The following ACTN3 variants were observed in gnomAD, a reference collection of about 807,000 sequenced individuals.
ACTN3 encodes alpha-actinin-3.
A neutral mutation model predicts 119.6 loss-of-function variants in ACTN3; 91 were observed. The observed-to-expected ratio is 0.76, with a 90% confidence interval of 0.64 to 0.91. The LOEUF is 0.91. ACTN3 is among the 40% of genes least tolerant of loss of function. The pLI, the probability that ACTN3 is intolerant of heterozygous loss-of-function variation, is 0.00. For synonymous variants in ACTN3, 456 were observed against 478.8 expected, an observed-to-expected ratio of 0.95 and a Z score of 0.62; for missense variants, 1,221 against 1,215.1, an observed-to-expected ratio of 1.00 and a Z score of -0.07.
rs768957946 is a variant in ACTN3 at position 66,560,651 on chromosome 11, C to A, written c.1756C>A (p.Gln586Lys). 1 of 1,613,916 alleles carries A rather than the reference C, an allele frequency of 6.2e-7. No individual in the cohort carries two copies. Among genetic ancestry groups the A allele is most frequent in the Non-Finnish European group, 8.5e-7 (1 of 1,179,886 alleles). ...AGAGCGAGGTGCCATCATGGGCATC[C>A]AGGGTGAGATCCAGAAGATCTGCCA... ...DRERGAIMGI[Q>K]GEIQKICQTY... The change falls in exon 15 of 21, where the codon CAG becomes AAG. Residue 586 changes from glutamine (Q) to lysine (K), a missense_variant. Around this residue, in one of 3 missense-constraint regions of ACTN3, gnomAD observed 934 missense variants for 899.9 expected, o/e 1.04. Coordinates refer to ENST00000513398, the MANE Select transcript of ACTN3 (RefSeq NM_001104.4).
chr11:66,556,370 C>A, intron 8 of ACTN3, 140 bp downstream of exon 8: 1 of 751,438 alleles, frequency 1.3e-6, no homozygotes, highest in Non-Finnish European at 2.2e-6. Context: ...TCAGCAGGAG[C>A]AGAGGACCCT....
intron 12 of ACTN3, among the ~76,000 whole-genome samples, chr11:66,559,747 A>C (rs1336929050): frequency 5.0e-5 from 2 of 39,886 alleles, no homozygotes; most frequent in South Asian, 7.2e-4. Context: ...CCCTCCACCC[A>C]AGCACCTCCA....
In ACTN3 at chr11:66,555,496, A is replaced by G. The variant is rs769615995; in HGVS notation, c.718+129A>G. 7 of 885,144 alleles carry G rather than the reference A, an allele frequency of 7.9e-6. No homozygotes were observed. The African/African-American group carries it at 1.2e-4, about 15-fold the overall frequency. The allele number at this position is 885,144 out of a possible 1,614,324, so 54.8% of individuals were successfully genotyped here. On this transcript the variant is annotated intron_variant, in intron 7 of 20. Coordinates refer to ENST00000513398, the MANE Select transcript of ACTN3 (RefSeq NM_001104.4). ...ACCACCCCCACCCCACTCCCTGGTC[A>G]CAGTCCCCCTTCTCCAGGAGTCCTC...
chr11:66,549,434 T>C (rs1857428002), intron 1 of ACTN3, among the ~76,000 whole-genome samples: 1 of 152,114 alleles, frequency 6.6e-6, no homozygotes, highest in African/African-American at 2.4e-5. Flanking sequence ...CCACATCTCA[T>C]TAAGAGTCTT....
chr11:66,560,413 A>T, intron 14 of ACTN3, 102 bp downstream of exon 14: 1 of 1,498,022 alleles, frequency 6.7e-7, no homozygotes. Context: ...GATGGGAGGA[A>T]AACCCCAGTT....
intron 12 of ACTN3, 85 bp from the exon 13 acceptor site, chr11:66,559,883 C>T (rs1180559505): frequency 1.5e-6 from 2 of 1,359,524 alleles, no homozygotes; most frequent in Non-Finnish European, 2.0e-6. Flanking sequence ...CACCCCCATC[C>T]GGGGAGCAGG....
chr11:66,555,432 C>A, intron 7 of ACTN3, 65 bp downstream of exon 7: 2 of 1,525,568 alleles, frequency 1.3e-6, no homozygotes, highest in Non-Finnish European at 1.8e-6. Context: ...ACAACCTCCA[C>A]ACCTTTGCAC....
In ACTN3 at chr11:66,554,558, G is replaced by T; in HGVS notation, c.492G>T (p.Leu164Phe). 1 of 1,611,330 alleles carries T rather than the reference G, an allele frequency of 6.2e-7. No homozygotes were observed. Among genetic ancestry groups the T allele is most frequent in the African/African-American group, 1.3e-5 (1 of 74,910 alleles). The part of the protein sequence containing the change: ...SVEETSAKEG[L>F]LLWCQRKTAP... ...CAGAAACCTCAGCCAAGGAAGGCTT[G>T]CTTCTGTGGTGCCAGAGGAAGACAG... Residue 164 changes from leucine to phenylalanine, a missense_variant, in exon 5 of 21, where the codon TTG becomes TTT. By Grantham distance (22) the Leu-to-Phe change is conservative. Around this residue, in one of 3 missense-constraint regions of ACTN3, gnomAD observed 239 missense variants for 231.8 expected, o/e 1.03. Transcript: ENST00000513398.
In ACTN3 at chr11:66,546,912, G is replaced by T. The variant is rs370058043; in HGVS notation, c.-26G>T. ...CCGGGTGTCCGAGAGCGTGCCGAGC[G>T]GAGCGAAGCCAGGAGCCCGATCGAG... On this transcript the variant is annotated 5_prime_UTR_variant, in exon 1 of 21. Coordinates refer to ENST00000513398, the MANE Select transcript of ACTN3 (RefSeq NM_001104.4). 314 of 1,530,624 alleles carry T rather than the reference G, an allele frequency of 2.1e-4. No individual in the cohort carries two copies. Among genetic ancestry groups the T allele is most frequent in the Non-Finnish European group, 2.6e-4 (302 of 1,142,380 alleles). 94.8% of individuals were successfully genotyped at this position (1,530,624 alleles called of 1,614,324 possible).
At chr11:66,560,995 G>C (rs943317153) in intron 15 of ACTN3, among the ~76,000 whole-genome samples, 1 of 147,096 alleles carries the variant, frequency 6.8e-6, no homozygotes, top group Non-Finnish European at 1.5e-5. Context: ...CTTGTGTGTG[G>C]ACATCTTTTA....
intron 19 of ACTN3, 124 bp from the exon 20 acceptor site, chr11:66,562,672 G>A (rs1857809836): frequency 1.8e-6 from 2 of 1,122,422 alleles, no homozygotes; most frequent in Non-Finnish European, 2.6e-6. Flanking sequence ...GGTCTCTGGA[G>A]GAAGGGAACT....
Position 66,557,128 on chromosome 11 carries a change from C to G in ACTN3, c.805-5C>G, listed in dbSNP as rs372842284. The G allele has an allele frequency of 5.9e-5, 91 of 1,552,014 alleles. No homozygotes were observed. The highest frequency in any genetic ancestry group is 5.0e-4 in the Middle Eastern group (3 of 5,966). The stretch of plus-strand genomic sequence containing the variant: ...ATGCCAGCCTTCTGCCCACTCCCCC[C>G]ACAGGCAGAGACAGCTGCCAACAGG... On this transcript the variant is annotated splice_polypyrimidine_tract_variant and splice_region_variant and intron_variant, in intron 8 of 20. Coordinates refer to ENST00000513398, the MANE Select transcript of ACTN3 (RefSeq NM_001104.4).
At position 66,561,474 on chromosome 11, in the gene ACTN3, C is replaced by A. The variant is rs1369108651; in HGVS notation, c.2012C>A (p.Ala671Glu). 3 of 1,600,666 alleles carry A rather than the reference C, an allele frequency of 1.9e-6. No individual in the cohort carries two copies. In the South Asian group the frequency reaches 3.4e-5, roughly 18 times the overall value. Residue 671 changes from alanine to glutamate, a missense_variant, in exon 17 of 21, where the codon GCA becomes GAA. By Grantham distance (107) the Ala-to-Glu change is moderately radical. Coordinates refer to ENST00000513398, the MANE Select transcript of ACTN3 (RefSeq NM_001104.4). ...QAKVEEVGRL[A>E]AGLAGSLEEQ... ...CCCCTGCAGGAAGTGGGGCGGCTGG[C>A]AGCAGGGCTAGCTGGCTCTCTGGAG...
In ACTN3 at chr11:66,561,499, G is replaced by A. The variant is rs539221911; in HGVS notation, c.2037G>A (p.Glu679=). ...RLAAGLAGSL[E]EQMAGLRQQE... ...CAGCAGGGCTAGCTGGCTCTCTGGA[G>A]GAGCAGATGGCTGGGCTACGGCAGC... The change falls in exon 17 of 21, where the codon GAG becomes GAA. Residue 679 remains glutamate (E), a synonymous_variant. Transcript: ENST00000513398. 108 of 1,604,698 alleles carry A rather than the reference G, an allele frequency of 6.7e-5. No homozygotes were observed. In the South Asian group the frequency reaches 1.1e-3, roughly 16 times the overall value.
chr11:66,550,949 C>A, intron 1 of ACTN3: 1 of 529,178 alleles, frequency 1.9e-6, no homozygotes, highest in South Asian at 1.6e-5. Flanking sequence ...TTTCTAAGGG[C>A]CCTCCAGTGT....
At chr11:66,546,741 G>A (rs1382232279), upstream of ACTN3, 3 of 1,535,474 alleles carry the variant, frequency 2.0e-6, no homozygotes, top group South Asian at 2.4e-5. Context: ...CCACCCCGGC[G>A]CCCCCGAGTC....
intron 11 of ACTN3, 55 bp downstream of exon 11, chr11:66,558,229 G>A (rs949818773): frequency 1.3e-6 from 2 of 1,597,790 alleles, no homozygotes; most frequent in Non-Finnish European, 1.7e-6. Flanking sequence ...AGATTGGTGT[G>A]CAGGGGCAGG....
rs763878511 is a variant in ACTN3 at position 66,563,107 on chromosome 11, G to C, written c.2620G>C (p.Val874Leu). Residue 874 changes from valine (V) to leucine (L), a missense_variant, in exon 21 of 21, where the codon GTG (valine) becomes CTG (leucine). By Grantham distance (32) the Val-to-Leu change is conservative. This residue lies in a region of ACTN3 where 934 missense variants were observed against 899.9 expected (regional missense o/e 1.04). Transcript: ENST00000513398. The part of the protein sequence containing the change: ...KQAEYCIRRM[V>L]PYKGSGAPAG... ...GGCCGAGTACTGCATCCGCCGTATGGTGCCCTACAAGGGATCCGGGGCCCC... is the reference window on the plus strand; with the variant it reads ...GGCCGAGTACTGCATCCGCCGTATGCTGCCCTACAAGGGATCCGGGGCCCC... The C allele has an allele frequency of 6.2e-7, 1 of 1,613,434 alleles. No individual in the cohort carries two copies. Among genetic ancestry groups the C allele is most frequent in the Non-Finnish European group, 8.5e-7 (1 of 1,179,790 alleles).
intron 14 of ACTN3, 48 bp downstream of exon 14, chr11:66,560,359 C>T (rs746538611): frequency 6.3e-6 from 10 of 1,577,446 alleles, no homozygotes; most frequent in Non-Finnish European, 8.6e-6. Context: ...GGAAAGCTGG[C>T]CCCAAATTCT....
Sources: allele counts gnomAD v4.1 joint callset (sites outside exome capture counted in the v4.1 genomes callset), GRCh38; gene constraint gnomAD v4.1.1; regional missense constraint gnomAD v4.1.1; transcripts MANE v1.5; gene names NCBI Gene and HGNC (gene_info 2026-07-23, HGNC 2026-07-21).